The following ZFAND3 variants were observed in gnomAD, a reference collection of about 807,000 sequenced individuals.
ZFAND3 encodes the protein zinc finger AN1-type containing 3, also known as AN1-type zinc finger protein 3.
ZFAND3 carries 10 observed loss-of-function variants against 29.6 expected under a neutral mutation model. That is an observed-to-expected ratio of 0.34 (90% CI 0.21 to 0.57). The LOEUF (loss-of-function observed/expected upper bound fraction) is 0.57, where lower values mean the gene tolerates loss of function less well. ZFAND3 is among the 20% of genes least tolerant of loss of function. ZFAND3 has a pLI of 0.86. For missense variants in ZFAND3, 230 were observed against 304.5 expected (o/e 0.76, Z 1.82); for synonymous variants, 128 against 112.6 (o/e 1.14, Z -0.87).
chr6:38,025,521 T>A (rs192410172), intron 2 of ZFAND3, among the ~76,000 whole-genome samples: 5 of 151,252 alleles, frequency 3.3e-5, no homozygotes, highest in Admixed American at 3.3e-4. Flanking sequence ...TGTGAACTCC[T>A]TTTTTTTTGG....
intron 1 of ZFAND3, among the ~76,000 whole-genome samples, chr6:37,916,339 A>AC (rs1761254000): frequency 6.6e-6 from 1 of 152,048 alleles, no homozygotes; most frequent in South Asian, 2.1e-4. Flanking sequence ...AGTACCTCCA[A>AC]AGTGTGGTTA....
At chr6:37,978,813 G>A (rs757513949) in intron 2 of ZFAND3, among the ~76,000 whole-genome samples, 1 of 152,060 alleles carries the variant, frequency 6.6e-6, no homozygotes, top group Admixed American at 6.5e-5. Flanking sequence ...TACAGGCGCC[G>A]GCCACCACAC....
In ZFAND3 at chr6:37,921,455, A is replaced by G. The variant is rs552268103; in HGVS notation, c.72-8504A>G. Among the ~76,000 whole-genome samples, 25 of 151,968 alleles carry G rather than the reference A, an allele frequency of 1.6e-4. No individual in the cohort carries two copies. The South Asian group carries it at 4.3e-3, about 26-fold the overall frequency. On this transcript the variant is annotated intron_variant, in intron 1 of 5. Coordinates refer to ENST00000287218, the MANE Select transcript of ZFAND3 (RefSeq NM_021943.3). ...GTTAAAAAAAAAAAGTTGTTGAGGA[A>G]CATTGATATGGTGAAAGAGTTGTTT...
At chr6:37,924,836 A>G (rs889703334) in intron 1 of ZFAND3, among the ~76,000 whole-genome samples, 1 of 152,062 alleles carries the variant, frequency 6.6e-6, no homozygotes, top group Non-Finnish European at 1.5e-5. Flanking sequence ...AAATAAAAAA[A>G]TAAATTGGGT....
At chr6:38,009,951 G>A (rs1158718549) in intron 2 of ZFAND3, among the ~76,000 whole-genome samples, 2 of 152,102 alleles carry the variant, frequency 1.3e-5, no homozygotes, top group Non-Finnish European at 2.9e-5. Context: ...AAAAAATGTT[G>A]GTTCCATGTC....
At chr6:37,914,839 G>T (rs998620477) in intron 1 of ZFAND3, among the ~76,000 whole-genome samples, 5 of 151,682 alleles carry the variant, frequency 3.3e-5, no homozygotes, top group Non-Finnish European at 7.4e-5. Flanking sequence ...TAGGATTTTT[G>T]GAATAGTAGC....
At chr6:38,090,584 C>A (rs1242262796) in intron 4 of ZFAND3, among the ~76,000 whole-genome samples, 1 of 152,124 alleles carries the variant, frequency 6.6e-6, no homozygotes, top group Non-Finnish European at 1.5e-5. Context: ...AAGCAGTTCT[C>A]ACCAAAGTTT....
chr6:38,071,066 T>TAC (rs201670329), intron 3 of ZFAND3, among the ~76,000 whole-genome samples: 1 of 138,276 alleles, frequency 7.2e-6, no homozygotes, highest in Admixed American at 7.1e-5. Flanking sequence ...GGAATTCTTT[T>TAC]ATATATATAT....
chr6:37,832,371 A>C (rs189022580), intron 1 of ZFAND3, among the ~76,000 whole-genome samples: 1 of 152,296 alleles, frequency 6.6e-6, no homozygotes, highest in Admixed American at 6.5e-5. Flanking sequence ...AAGTTCTTTC[A>C]CTTACAAACT....
chr6:38,069,965 T>C (rs1404755451), intron 3 of ZFAND3, among the ~76,000 whole-genome samples: 2 of 152,228 alleles, frequency 1.3e-5, no homozygotes, highest in African/African-American at 4.8e-5. Context: ...CATTCTCAAT[T>C]TTTGAATTAC....
At chr6:38,128,426 C>T (rs1765678009) in intron 5 of ZFAND3, among the ~76,000 whole-genome samples, 1 of 152,108 alleles carries the variant, frequency 6.6e-6, no homozygotes, top group African/African-American at 2.4e-5. Flanking sequence ...TTCTGGTGCA[C>T]CCATCACCCA....
chr6:37,872,163 A>G (rs576997422), intron 1 of ZFAND3, among the ~76,000 whole-genome samples: 9 of 152,322 alleles, frequency 5.9e-5, no homozygotes, highest in Non-Finnish European at 8.8e-5. Flanking sequence ...TCTGGATTCT[A>G]TTACCTAACG....
chr6:37,924,346 CA>C (rs1761442731), intron 1 of ZFAND3, among the ~76,000 whole-genome samples: 1 of 145,566 alleles, frequency 6.9e-6, no homozygotes, highest in South Asian at 2.2e-4. Flanking sequence ...TTCAGGCCTT[CA>C]AAAGAGATTT....
chr6:38,100,107 A>G (rs13437477), intron 4 of ZFAND3, among the ~76,000 whole-genome samples: 4,128 of 151,550 alleles, frequency 0.027, 181 homozygotes, highest in African/African-American at 0.093. Flanking sequence ...GCCAGTCACC[A>G]GGCTGGAGTG....
chr6:37,990,444 C>A (rs1762739833), intron 2 of ZFAND3, among the ~76,000 whole-genome samples: 1 of 152,156 alleles, frequency 6.6e-6, no homozygotes, highest in South Asian at 2.1e-4. Flanking sequence ...TGAAATAGCA[C>A]ATAATTGAAA....
chr6:38,153,881 A>C lies in ZFAND3; in HGVS notation c.*1492A>C, dbSNP rs919775238. The C allele has an allele frequency of 5.1e-6, 5 of 985,506 alleles. No individual in the cohort carries two copies. Among genetic ancestry groups the C allele is most frequent in the Non-Finnish European group, 6.0e-6 (5 of 829,946 alleles). 61.0% of individuals were successfully genotyped at this position (985,506 alleles called of 1,614,324 possible). A position where few individuals can be genotyped will look rare whatever the true frequency, so the allele number is the denominator to read the frequency against. On this transcript the variant is annotated 3_prime_UTR_variant, in exon 6 of 6. Transcript: ENST00000287218. The stretch of plus-strand genomic sequence containing the variant: ...ATCTGCCCACACATAGGCTACTGGA[A>C]TAGTTTAACCCAGCAACTTTCCTTT...
At chr6:37,966,471 T>C (rs985130250) in intron 2 of ZFAND3, among the ~76,000 whole-genome samples, 6 of 152,302 alleles carry the variant, frequency 3.9e-5, no homozygotes, top group Non-Finnish European at 8.8e-5. Context: ...AGACAACGCT[T>C]AGAGAGATTA....
rs367638853 is a variant in ZFAND3, at chr6:37,838,444, A to G, written c.71+18428A>G. On this transcript the variant is annotated intron_variant, in intron 1 of 5. Transcript: ENST00000287218. ...ATTTCATCACTTTGTAATTCAAGAC[A>G]ATTTCATCACTTCATAAAGAAATCT... Among the ~76,000 whole-genome samples, 217 of 151,544 alleles carry G rather than the reference A, an allele frequency of 1.4e-3. 1 individual carries two copies. Among genetic ancestry groups the G allele is most frequent in the African/African-American group, 5.1e-3 (210 of 41,502 alleles).
intron 1 of ZFAND3, among the ~76,000 whole-genome samples, chr6:37,920,283 A>G (rs79257064): frequency 0.066 from 9,959 of 151,564 alleles, 391 homozygotes; most frequent in Non-Finnish European, 0.085. Flanking sequence ...ATGTGGAAAA[A>G]TTATTTGGCA....
Sources: gnomAD v4.1 joint callset for allele counts (sites outside exome capture counted in the v4.1 genomes callset) on GRCh38, gnomAD v4.1.1 for gene constraint, MANE v1.5 for transcripts, NCBI Gene and HGNC (gene_info 2026-07-23, HGNC 2026-07-21) for gene names.